CIB1: variants seen among roughly 807,000 people sequenced by gnomAD.
CIB1 encodes calcium and integrin-binding protein 1.
In CIB1, 19 loss-of-function variants were observed where a neutral mutation model predicts 25.0. That is an observed-to-expected ratio of 0.76 (90% CI 0.53 to 1.12). CIB1 has a LOEUF of 1.12. CIB1 is among the 50% of genes most tolerant of loss of function. CIB1 has a pLI of 0.00. For synonymous variants in CIB1, 104 were observed against 98.5 expected, an observed-to-expected ratio of 1.06 and a Z score of -0.33; for missense variants, 236 against 242.6, an observed-to-expected ratio of 0.97 and a Z score of 0.18.
rs777654090 is a variant in CIB1 at position 90,231,133 on chromosome 15, G to A, written c.427C>T (p.Arg143Trp). ...NCLTGEGEDTRLSASEMKQLI... is the reference protein window; with the variant it reads ...NCLTGEGEDTWLSASEMKQLI... ...TGCTTCATCTCAGACGCACTAAGCC[G>A]TGTGTCCTCGCCCTCTCCCGTGAGG... The change falls in exon 5 of 7, where the codon CGG becomes TGG. Residue 143 changes from arginine to tryptophan, a missense_variant. Transcript: ENST00000328649. The A allele has an allele frequency of 2.0e-5, 33 of 1,614,056 alleles. No homozygotes were observed. Among genetic ancestry groups the A allele is most frequent in the South Asian group, 1.3e-4 (12 of 91,090 alleles).
the CIB1 span, among the ~76,000 whole-genome samples, chr15:90,248,062 C>A: frequency 1.3e-5 from 2 of 151,732 alleles, no homozygotes; most frequent in African/African-American, 4.8e-5. Context: ...TTTTTAAATA[C>A]GAGTTCTCAC....
chr15:90,247,434 G>A, the CIB1 span, among the ~76,000 whole-genome samples: 1 of 151,136 alleles, frequency 6.6e-6, no homozygotes, highest in Non-Finnish European at 1.5e-5. Context: ...CTCCTAGCCA[G>A]GAGGAGAGTT....
At chr15:90,256,626 CTTCCTTCCTTCCTTCT>C in the CIB1 span, among the ~76,000 whole-genome samples, 12,924 of 79,324 alleles carry the variant, frequency 0.16, 1,026 homozygotes, top group Middle Eastern at 0.22. Context: ...TCCTTCCTTC[CTTCCTTCCTTCCTTCT>C]TTCTTTCTCC....
the CIB1 span, chr15:90,241,845 C>T: frequency 6.2e-7 from 1 of 1,614,206 alleles, no homozygotes; most frequent in Non-Finnish European, 8.5e-7. Flanking sequence ...CCGAGTAATT[C>T]TGTGGGCCCG....
At position 90,230,349 on chromosome 15, in the gene CIB1, G is replaced by C. The variant is rs1299288209; in HGVS notation, c.*135C>G. On this transcript the variant is annotated 3_prime_UTR_variant, in exon 7 of 7. Transcript: ENST00000328649. ...CTGACAACGAGGGCCGCCCCTGCCCGGGGTGAGGCTGCACAGCGCCAGCTC... is the reference window on the plus strand; with the variant it reads ...CTGACAACGAGGGCCGCCCCTGCCCCGGGTGAGGCTGCACAGCGCCAGCTC... 9.9e-7 allele frequency: 1 copy of C among 1,009,066 alleles called. No individual in the cohort carries two copies. 62.5% of individuals were successfully genotyped at this position (1,009,066 alleles called of 1,614,324 possible).
At chr15:90,258,560 C>T in the CIB1 span, 1 of 625,758 alleles carries the variant, frequency 1.6e-6, no homozygotes, top group South Asian at 1.9e-5. Context: ...GATTTGCTCT[C>T]ACTGGTCTGT....
chr15:90,255,881 G>A, the CIB1 span: 17 of 1,613,996 alleles, frequency 1.1e-5, no homozygotes, highest in African/African-American at 5.3e-5. Flanking sequence ...GTGCCTCCCC[G>A]CAGAGTGAGT....
chr15:90,262,974 G>A, the CIB1 span: 35 of 1,535,438 alleles, frequency 2.3e-5, no homozygotes, highest in East Asian at 7.3e-5. Flanking sequence ...AGCTGCTGCC[G>A]GGACAGCTGG....
chr15:90,250,147 C>T, the CIB1 span, among the ~76,000 whole-genome samples: 12 of 151,832 alleles, frequency 7.9e-5, no homozygotes, highest in Admixed American at 6.6e-4. Context: ...TTAGGAGAGA[C>T]GGGATTTCAC....
chr15:90,241,026 G>A, the CIB1 span: 1 of 1,613,994 alleles, frequency 6.2e-7, no homozygotes, highest in African/African-American at 1.3e-5. Context: ...CATGGCAGAA[G>A]GGATTCAGTG....
chr15:90,239,305 A>ATGTGTGTGTGTGTG, the CIB1 span, among the ~76,000 whole-genome samples: 1,342 of 147,954 alleles, frequency 9.1e-3, 13 homozygotes, highest in African/African-American at 0.025. Flanking sequence ...GAGACATAAA[A>ATGTGTGTGTGTGTG]TGTGTGTGTG....
chr15:90,258,632 G>T, the CIB1 span: 24 of 937,262 alleles, frequency 2.6e-5, no homozygotes, highest in Non-Finnish European at 3.6e-5. Flanking sequence ...CAGCCTCCCC[G>T]GCTGAGGCCA....
chr15:90,256,585 CTTTCTTT>C, the CIB1 span, among the ~76,000 whole-genome samples: 3 of 34,584 alleles, frequency 8.7e-5, no homozygotes, highest in Non-Finnish European at 1.7e-4. Flanking sequence ...TTCTTTCTTT[CTTTCTTT>C]CTTTCTTTCT....
chr15:90,253,449 A>G, the CIB1 span: 1 of 947,938 alleles, frequency 1.1e-6, no homozygotes, highest in Non-Finnish European at 1.6e-6. Context: ...GGCACCCAAG[A>G]CTGCTACTCT....
chr15:90,256,378 A>G, the CIB1 span: 1 of 1,573,228 alleles, frequency 6.4e-7, no homozygotes, highest in Non-Finnish European at 8.7e-7. Context: ...CCAGGGAGGA[A>G]GCTGGTCTTA....
At chr15:90,252,043 C>CTTTTTTTTCTTT in the CIB1 span, among the ~76,000 whole-genome samples, 1 of 133,474 alleles carries the variant, frequency 7.5e-6, no homozygotes, top group African/African-American at 2.7e-5. Flanking sequence ...TCACCTAATT[C>CTTTTTTTTCTTT]TTTTTTTTTT....
chr15:90,255,869 T>C, the CIB1 span: 4 of 1,614,068 alleles, frequency 2.5e-6, no homozygotes, highest in Admixed American at 6.7e-5. Context: ...CCCCCGCACC[T>C]GGTGCCTCCC....
At chr15:90,238,496 TG>T (rs775362941), upstream of CIB1, 16 of 152,242 alleles carry the variant, frequency 1.1e-4, no homozygotes, top group Admixed American at 2.0e-4. Context: ...ATGAAGTTTC[TG>T]GAGCAGCAGA....
At chr15:90,252,633 T>C in the CIB1 span, among the ~76,000 whole-genome samples, 4 of 152,136 alleles carry the variant, frequency 2.6e-5, no homozygotes, top group Non-Finnish European at 5.9e-5. Context: ...CACACAAGTA[T>C]GGAGTGTGAA....
Sources: allele counts gnomAD v4.1 joint callset (sites outside exome capture counted in the v4.1 genomes callset), GRCh38; gene constraint gnomAD v4.1.1; transcripts MANE v1.5; gene names NCBI Gene and HGNC (gene_info 2026-07-23, HGNC 2026-07-21).